ITGB2: variants seen among roughly 807,000 people sequenced by gnomAD.
ITGB2 encodes the protein integrin beta-2.
In ITGB2, 56 loss-of-function variants were observed where a neutral mutation model predicts 86.8. That is an observed-to-expected ratio of 0.65 (90% CI 0.52 to 0.81). The LOEUF is 0.81. Among genes scored for constraint, ITGB2 ranks in the 30% least tolerant of loss-of-function variants. The pLI is 0.00. For missense variants in ITGB2, 948 were observed against 1,061.2 expected, an observed-to-expected ratio of 0.89 and a Z score of 1.48; for synonymous variants, 457 against 450.4, an observed-to-expected ratio of 1.01 and a Z score of -0.19.
At chr21:44,915,388 C>T (rs942255160) in intron 1 of ITGB2, among the ~76,000 whole-genome samples, 10 of 152,258 alleles carry the variant, frequency 6.6e-5, no homozygotes, top group East Asian at 1.9e-4. Context: ...CCAGAGGCCC[C>T]GCAGACCCAT....
rs907453217 is a variant in ITGB2, at chr21:44,886,620, C to T, written c.2247+116G>A. On this transcript the variant is annotated intron_variant, in intron 15 of 15. Coordinates refer to ENST00000652462, the MANE Select transcript of ITGB2 (RefSeq NM_000211.5). ...GGCGGACGCCCAGAGGACAAGCTGCCTGGGGAGGCCGGGGTGCAGCCACAC... is the reference window on the plus strand; with the variant it reads ...GGCGGACGCCCAGAGGACAAGCTGCTTGGGGAGGCCGGGGTGCAGCCACAC... 1.1e-5 allele frequency: 17 copies of T among 1,513,332 alleles called. No homozygotes were observed. In the African/African-American group the frequency reaches 2.1e-4, roughly 18 times the overall value. The allele number at this position is 1,513,332 out of a possible 1,614,324, so 93.7% of individuals were successfully genotyped here. A position where few individuals can be genotyped will look rare whatever the true frequency, so the allele number is the denominator to read the frequency against.
At chr21:44,905,523 C>A (rs2084029583) in intron 4 of ITGB2, among the ~76,000 whole-genome samples, 1 of 152,218 alleles carries the variant, frequency 6.6e-6, no homozygotes, top group Non-Finnish European at 1.5e-5. Context: ...AAACTCTGGC[C>A]ACAGGCAACA....
At chr21:44,894,881 C>G (rs1248000557) in intron 9 of ITGB2, 90 bp downstream of exon 9, 2 of 938,540 alleles carry the variant, frequency 2.1e-6, no homozygotes, top group Admixed American at 3.5e-5. Context: ...CCCAGACCAC[C>G]CTCCTGCTGA....
At chr21:44,889,177 C>T (rs2083746520) in intron 13 of ITGB2, 99 bp downstream of exon 13, 3 of 1,191,094 alleles carry the variant, frequency 2.5e-6, no homozygotes, top group Admixed American at 1.8e-5. Context: ...CCCCGCGGTG[C>T]AGAGGTGCTC....
chr21:44,916,731 G>C (rs910652880), intron 1 of ITGB2, among the ~76,000 whole-genome samples: 5 of 151,996 alleles, frequency 3.3e-5, no homozygotes, highest in Non-Finnish European at 7.4e-5. Context: ...AGCTGGGCTT[G>C]GTGGCGGGCG....
chr21:44,891,667 TC>T, intron 11 of ITGB2, 141 bp downstream of exon 11: 1 of 870,592 alleles, frequency 1.1e-6, no homozygotes, highest in Non-Finnish European at 1.8e-6. Flanking sequence ...TCTCCCCACC[TC>T]CTGCAGAAGG....
chr21:44,918,713 C>T (rs2146562631), intron 1 of ITGB2, among the ~76,000 whole-genome samples: 1 of 152,350 alleles, frequency 6.6e-6, no homozygotes, highest in South Asian at 2.1e-4. Flanking sequence ...TTGCCTCAGG[C>T]TCACTGTGCA....
chr21:44,897,343 A>G (rs1379250102), intron 8 of ITGB2, among the ~76,000 whole-genome samples: 2 of 152,162 alleles, frequency 1.3e-5, no homozygotes, highest in African/African-American at 4.8e-5. Context: ...TCCTCAGCCT[A>G]AGCAGCAGGG....
At chr21:44,900,562 TG>T in intron 6 of ITGB2, 87 bp from the exon 7 acceptor site, 1 of 1,546,834 alleles carries the variant, frequency 6.5e-7, no homozygotes, top group South Asian at 1.1e-5. Context: ...GCAGAGCTGG[TG>T]GGGTGGCCCG....
intron 14 of ITGB2, 121 bp from the exon 15 acceptor site, chr21:44,887,023 G>C: frequency 1.6e-6 from 2 of 1,225,030 alleles, no homozygotes; most frequent in Non-Finnish European, 1.2e-6. Context: ...CCAGGGCCCC[G>C]GCTCACCATC....
At chr21:44,926,625 T>C (rs990594) in intron 1 of ITGB2, among the ~76,000 whole-genome samples, 58,277 of 152,066 alleles carry the variant, frequency 0.38, 14,630 homozygotes, top group African/African-American at 0.72. Context: ...GGGAGTCAGG[T>C]GGGCGAAACT....
At chr21:44,910,164 G>A (rs1342142597) in intron 3 of ITGB2, 120 bp downstream of exon 3, 14 of 1,349,884 alleles carry the variant, frequency 1.0e-5, no homozygotes, top group African/African-American at 1.5e-5. Context: ...GCCAGGGTCT[G>A]GGGACCCCCT....
chr21:44,893,671 C>T (rs924839685), intron 9 of ITGB2, 127 bp from the exon 10 acceptor site: 42 of 1,250,406 alleles, frequency 3.4e-5, no homozygotes, highest in Non-Finnish European at 4.5e-5. Flanking sequence ...GCTAATGACA[C>T]AGAGGAGAGC....
At chr21:44,925,806 C>CG (rs1244010430), upstream of ITGB2, among the ~76,000 whole-genome samples, 1 of 152,144 alleles carries the variant, frequency 6.6e-6, no homozygotes, top group Admixed American at 6.5e-5. Context: ...AGGCCGGGCG[C>CG]GGGGGCTCAC....
intron 2 of ITGB2, 60 bp from the exon 3 acceptor site, chr21:44,910,432 G>A (rs752687459): frequency 8.1e-6 from 13 of 1,612,034 alleles, no homozygotes; most frequent in East Asian, 2.2e-5. Flanking sequence ...ACACCCAAGG[G>A]GGAGTAGAGC....
In ITGB2 at chr21:44,889,579, C is replaced by T. The variant is rs755901857; in HGVS notation, c.1658-84G>A. 1.8e-4 allele frequency: 219 copies of T among 1,231,870 alleles called. 1 individual carries two copies. The highest frequency in any genetic ancestry group is 7.3e-4 in the African/African-American group (49 of 67,034). The allele number at this position is 1,231,870 out of a possible 1,614,324, so 76.3% of individuals were successfully genotyped here. A position where few individuals can be genotyped will look rare whatever the true frequency, so the allele number is the denominator to read the frequency against. ...GAAACCCCACTGCGGTTGCTCCCTC[C>T]GGCCCGCCTGCCTCCTCCAGCCTGG... On this transcript the variant is annotated intron_variant, in intron 12 of 15. Transcript: ENST00000652462.
chr21:44,893,305 A>C (rs1386163284), intron 10 of ITGB2, 99 bp downstream of exon 10: 25 of 1,471,106 alleles, frequency 1.7e-5, no homozygotes, highest in African/African-American at 2.8e-5. Context: ...GGCTGTCCCC[A>C]GGACCCCTCA....
Position 44,901,351 on chromosome 21 carries a change from G to A in ITGB2, c.741+141C>T, listed in dbSNP as rs557314511. The A allele has an allele frequency of 7.6e-6, 8 of 1,045,848 alleles. No homozygotes were observed. The Admixed American group carries it at 1.7e-4, about 22-fold the overall frequency. 64.8% of individuals were successfully genotyped at this position (1,045,848 alleles called of 1,614,324 possible). A position where few individuals can be genotyped will look rare whatever the true frequency, so the allele number is the denominator to read the frequency against. ...TTTCCTGCATGGGCAGCAGCAGGGT[G>A]AGGAGCTGCTCTCCCCAGGCCCAGG... On this transcript the variant is annotated intron_variant, in intron 6 of 15. Transcript: ENST00000652462.
Position 44,900,483 on chromosome 21 carries a change from G to T in ITGB2, c.742-8C>A, listed in dbSNP as rs1359744781. The stretch of plus-strand genomic sequence containing the variant: ...GCGCCAGCCGATTTCCTCCTGAGAA[G>T]AAGGCGTGGGGGGCAGGGTTACCTG... On this transcript the variant is annotated splice_polypyrimidine_tract_variant and splice_region_variant and intron_variant, in intron 6 of 15. Transcript: ENST00000652462. 1 of 1,613,618 alleles carries T rather than the reference G, an allele frequency of 6.2e-7. No homozygotes were observed. Among genetic ancestry groups the T allele is most frequent in the Non-Finnish European group, 8.5e-7 (1 of 1,179,936 alleles).
Sources: allele counts gnomAD v4.1 joint callset (sites outside exome capture counted in the v4.1 genomes callset), GRCh38; gene constraint gnomAD v4.1.1; transcripts MANE v1.5; gene names NCBI Gene and HGNC (gene_info 2026-07-23, HGNC 2026-07-21).